The following KCND3 variants were observed in gnomAD, a reference collection of about 807,000 sequenced individuals.
The protein encoded by KCND3 is A-type voltage-gated potassium channel KCND3.
In KCND3, 9 loss-of-function variants were observed where a neutral mutation model predicts 51.1. That is an observed-to-expected ratio of 0.18 (90% CI 0.11 to 0.31). The LOEUF is 0.31. Ranked by LOEUF, KCND3 falls within the 10% of genes least tolerant of loss-of-function variation. The probability of loss-of-function intolerance (pLI) is 1.00; values close to 1 mark genes in which losing one functional copy is unlikely to be tolerated. For missense variants in KCND3, 526 were observed against 903.8 expected (o/e 0.58, Z 5.36); for synonymous variants, 349 against 368.0 (o/e 0.95, Z 0.59).
chr1:111,837,775 C>A (rs1476063855), intron 2 of KCND3, among the ~76,000 whole-genome samples: 4 of 152,138 alleles, frequency 2.6e-5, no homozygotes, highest in African/African-American at 4.8e-5. Context: ...AGATGCCCCC[C>A]CTCGAAAAAC....
chr1:111,945,095 C>T (rs1672715136), intron 2 of KCND3, among the ~76,000 whole-genome samples: 1 of 152,204 alleles, frequency 6.6e-6, no homozygotes, highest in African/African-American at 2.4e-5. Flanking sequence ...TTGAACCACA[C>T]AGCCCCACCC....
chr1:111,916,779 G>A (rs1448093487), intron 2 of KCND3, among the ~76,000 whole-genome samples: 1 of 152,194 alleles, frequency 6.6e-6, no homozygotes, highest in Non-Finnish European at 1.5e-5. Flanking sequence ...ATGCCAGTAA[G>A]TGTGAAAATT....
chr1:111,989,112 C>G (rs1212768127), intron 1 of KCND3: 5 of 152,284 alleles, frequency 3.3e-5, no homozygotes, highest in Non-Finnish European at 7.3e-5. Context: ...CTTTGCGAAG[C>G]GCCCCAAACC....
intron 2 of KCND3, among the ~76,000 whole-genome samples, chr1:111,846,483 G>C (rs929405497): frequency 1.3e-5 from 2 of 151,810 alleles, no homozygotes; most frequent in African/African-American, 4.9e-5. Flanking sequence ...ATGTTACCTG[G>C]GGGTGGGGTG....
intron 2 of KCND3, among the ~76,000 whole-genome samples, chr1:111,830,545 T>G (rs954586076): frequency 3.3e-5 from 5 of 152,322 alleles, no homozygotes; most frequent in Non-Finnish European, 7.4e-5. Context: ...ACCCTACCCT[T>G]GCAGGACCTC....
chr1:111,815,922 A>G (rs115523577), intron 2 of KCND3, among the ~76,000 whole-genome samples: 1,582 of 152,120 alleles, frequency 0.01, 24 homozygotes, highest in African/African-American at 0.035. Flanking sequence ...AAAGCTGCCC[A>G]GCCCCTACCT....
intron 2 of KCND3, among the ~76,000 whole-genome samples, chr1:111,976,506 T>C (rs755974753): frequency 9.2e-5 from 14 of 152,218 alleles, no homozygotes; most frequent in Admixed American, 6.5e-4. Flanking sequence ...AACGAACCTG[T>C]TTGAGTGAAC....
Position 111,786,940 on chromosome 1 carries a change from T to C in KCND3, c.1269+4A>G. ...GCCCCCGCTTCCCTGCGTCTGAGGCTTACCTTTTGTGCCCTGCGTTTATCA... is the reference window on the plus strand; with the variant it reads ...GCCCCCGCTTCCCTGCGTCTGAGGCCTACCTTTTGTGCCCTGCGTTTATCA... On this transcript the variant is annotated splice_donor_region_variant and intron_variant, in intron 3 of 7. Coordinates refer to ENST00000302127, the MANE Select transcript of KCND3 (RefSeq NM_001378969.1). 1 of 1,614,108 alleles carries C rather than the reference T, an allele frequency of 6.2e-7. No homozygotes were observed. The highest frequency in any genetic ancestry group is 2.2e-5 in the East Asian group (1 of 44,888).
intron 2 of KCND3, among the ~76,000 whole-genome samples, chr1:111,794,052 G>A (rs907567396): frequency 5.7e-4 from 26 of 45,932 alleles, no homozygotes; most frequent in Non-Finnish European, 7.3e-4. Context: ...CCAGTGTGGA[G>A]GCAGCTGTCG....
chr1:111,912,658 C>T (rs2101818502), intron 2 of KCND3, among the ~76,000 whole-genome samples: 1 of 152,238 alleles, frequency 6.6e-6, no homozygotes, highest in East Asian at 1.9e-4. Flanking sequence ...AGGTGGAAAA[C>T]AGTAATATTG....
chr1:111,956,731 G>T (rs1435654559), intron 2 of KCND3, among the ~76,000 whole-genome samples: 1 of 152,102 alleles, frequency 6.6e-6, no homozygotes, highest in Non-Finnish European at 1.5e-5. Context: ...AAAAGCAGGC[G>T]CAGACCTCAA....
intron 2 of KCND3, among the ~76,000 whole-genome samples, chr1:111,966,093 C>T (rs1673971102): frequency 1.3e-5 from 2 of 152,120 alleles, no homozygotes; most frequent in Admixed American, 6.5e-5. Flanking sequence ...GCTGCTGGCT[C>T]CCCAGTCCTT....
intron 6 of KCND3, 49 bp downstream of exon 6, chr1:111,778,387 C>T (rs1412980499): frequency 6.4e-7 from 1 of 1,553,586 alleles, no homozygotes; most frequent in South Asian, 1.1e-5. Flanking sequence ...TCCACAGACT[C>T]AGAATTATCA....
intron 2 of KCND3, among the ~76,000 whole-genome samples, chr1:111,841,931 TG>T (rs889309782): frequency 2.6e-5 from 4 of 152,270 alleles, no homozygotes; most frequent in African/African-American, 9.6e-5. Context: ...AGTACAGGCC[TG>T]GGGGGGTCAG....
intron 2 of KCND3, among the ~76,000 whole-genome samples, chr1:111,872,500 C>T (rs1668870621): frequency 6.6e-6 from 1 of 152,114 alleles, no homozygotes. Flanking sequence ...TTGGGAAATG[C>T]TGGTATAGAA....
intron 2 of KCND3, among the ~76,000 whole-genome samples, chr1:111,835,414 A>G (rs1667025980): frequency 6.6e-6 from 1 of 152,218 alleles, no homozygotes. Flanking sequence ...AATAAGGCTG[A>G]GACCTACTGG....
chr1:111,776,819 C>T (rs549195118), intron 7 of KCND3, among the ~76,000 whole-genome samples: 8 of 150,406 alleles, frequency 5.3e-5, no homozygotes, highest in Middle Eastern at 3.4e-3. Context: ...TACCTATTTT[C>T]AGCCTAAACT....
chr1:111,941,033 A>G (rs1571878834), intron 2 of KCND3, among the ~76,000 whole-genome samples: 2 of 152,168 alleles, frequency 1.3e-5, no homozygotes, highest in East Asian at 3.8e-4. Context: ...ATGTTCAATA[A>G]ATACTTCTCA....
intron 2 of KCND3, among the ~76,000 whole-genome samples, chr1:111,797,914 T>G (rs12141602): frequency 0.19 from 28,282 of 151,870 alleles, 2,715 homozygotes; most frequent in Admixed American, 0.23. Flanking sequence ...GTGGTGGATG[T>G]ATTGGATGGG....
Sources: gnomAD v4.1 joint callset for allele counts (sites outside exome capture counted in the v4.1 genomes callset) on GRCh38, gnomAD v4.1.1 for gene constraint, MANE v1.5 for transcripts, NCBI Gene and HGNC (gene_info 2026-07-23, HGNC 2026-07-21) for gene names.